CEP128: variants seen among roughly 807,000 people sequenced by gnomAD.
CEP128 encodes the protein centrosomal protein 128kDa.
A neutral mutation model predicts 156.7 loss-of-function variants in CEP128; 132 were observed. That is an observed-to-expected ratio of 0.84 (90% CI 0.73 to 0.97). The LOEUF is 0.97. Ranked by LOEUF, CEP128 falls within the 50% of genes least tolerant of loss-of-function variation. The probability of loss-of-function intolerance (pLI) is 0.00; values close to 1 mark genes in which losing one functional copy is unlikely to be tolerated. For missense variants in CEP128, 1,252 were observed against 1,281.9 expected (o/e 0.98, Z 0.36); for synonymous variants, 469 against 448.9 (o/e 1.04, Z -0.57).
intron 19 of CEP128, among the ~76,000 whole-genome samples, chr14:80,595,687 C>T (rs11629279): frequency 0.62 from 94,539 of 151,978 alleles, 30,799 homozygotes; most frequent in African/African-American, 0.83. Flanking sequence ...GGAAGGAAGG[C>T]ATATTAGTCT....
chr14:80,582,406 T>A (rs1272323698), intron 19 of CEP128, among the ~76,000 whole-genome samples: 1 of 152,112 alleles, frequency 6.6e-6, no homozygotes, highest in Non-Finnish European at 1.5e-5. Context: ...GAAAAGAGGA[T>A]CCCAAATCTG....
chr14:80,668,220 T>C (rs995996499), intron 19 of CEP128, among the ~76,000 whole-genome samples: 5 of 152,166 alleles, frequency 3.3e-5, no homozygotes, highest in South Asian at 2.1e-4. Flanking sequence ...ACAGCTGCTA[T>C]GTGAAGAGCT....
chr14:80,508,306 C>T (rs200224204), intron 23 of CEP128, among the ~76,000 whole-genome samples: 3 of 152,072 alleles, frequency 2.0e-5, no homozygotes, highest in African/African-American at 7.2e-5. Context: ...AATTTAAAAA[C>T]TATGGAAAAA....
At chr14:80,928,859 C>T (rs190879782) in intron 2 of CEP128, among the ~76,000 whole-genome samples, 19 of 152,076 alleles carry the variant, frequency 1.2e-4, no homozygotes, top group Admixed American at 1.2e-3. Context: ...AATGCAAATG[C>T]AACAAAAACA....
intron 13 of CEP128, among the ~76,000 whole-genome samples, chr14:80,814,520 T>C (rs749089216): frequency 3.9e-5 from 6 of 151,952 alleles, no homozygotes; most frequent in Non-Finnish European, 7.4e-5. Context: ...GAAAAAATAA[T>C]GTATTGTATC....
chr14:80,855,585 G>T (rs529359759), intron 9 of CEP128, among the ~76,000 whole-genome samples: 5 of 152,210 alleles, frequency 3.3e-5, no homozygotes, highest in African/African-American at 9.6e-5. Flanking sequence ...AAGGGGCATT[G>T]GTTATGGAAA....
intron 19 of CEP128, among the ~76,000 whole-genome samples, chr14:80,643,541 C>T (rs1389179231): frequency 6.6e-6 from 1 of 152,006 alleles, no homozygotes; most frequent in African/African-American, 2.4e-5. Context: ...ACAGGGTCAT[C>T]TCTGCTAAAA....
At chr14:80,642,370 G>T (rs1009483536) in intron 19 of CEP128, among the ~76,000 whole-genome samples, 1 of 152,208 alleles carries the variant, frequency 6.6e-6, no homozygotes, top group Non-Finnish European at 1.5e-5. Flanking sequence ...AGATAAAGGA[G>T]AGATATCAGT....
intron 9 of CEP128, among the ~76,000 whole-genome samples, chr14:80,857,150 C>T (rs1887221928): frequency 6.7e-6 from 1 of 149,840 alleles, no homozygotes; most frequent in South Asian, 2.1e-4. Flanking sequence ...GGATGCAAAC[C>T]AGAAGTTTAA....
intron 9 of CEP128, among the ~76,000 whole-genome samples, chr14:80,856,823 C>T (rs1379268455): frequency 6.8e-6 from 1 of 147,038 alleles, no homozygotes; most frequent in Non-Finnish European, 1.5e-5. Context: ...CTCTGCCTCC[C>T]GAGTTAAAGC....
intron 9 of CEP128, among the ~76,000 whole-genome samples, chr14:80,859,138 G>A (rs1299858336): frequency 2.0e-5 from 3 of 149,990 alleles, no homozygotes; most frequent in Admixed American, 1.3e-4. Flanking sequence ...CAAAGACTTG[G>A]AACCAACCCA....
intron 19 of CEP128, among the ~76,000 whole-genome samples, chr14:80,717,989 GTGTGTA>G (rs201148721): frequency 8.2e-4 from 125 of 151,980 alleles, no homozygotes; most frequent in African/African-American, 5.6e-4. Flanking sequence ...TAACTTGTGT[GTGTGTA>G]TGTGTATGTG....
chr14:80,729,994 C>A (rs1236553345), intron 19 of CEP128, among the ~76,000 whole-genome samples: 1 of 152,150 alleles, frequency 6.6e-6, no homozygotes, highest in African/African-American at 2.4e-5. Context: ...CAACAGAGGC[C>A]TCACTGATGT....
At chr14:80,886,202 C>G (rs1888790405) in intron 8 of CEP128, among the ~76,000 whole-genome samples, 1 of 152,132 alleles carries the variant, frequency 6.6e-6, no homozygotes, top group Non-Finnish European at 1.5e-5. Flanking sequence ...TTGGGAAACA[C>G]TCTTCAGGAT....
intron 19 of CEP128, among the ~76,000 whole-genome samples, chr14:80,597,964 A>AAC (rs1222370554): frequency 6.7e-6 from 1 of 149,850 alleles, no homozygotes; most frequent in South Asian, 2.1e-4. Flanking sequence ...AAAAAAAAAA[A>AAC]AAAAAACAAA....
At chr14:80,560,837 A>G (rs747271549) in intron 20 of CEP128, among the ~76,000 whole-genome samples, 5 of 152,134 alleles carry the variant, frequency 3.3e-5, no homozygotes, top group Non-Finnish European at 7.4e-5. Context: ...CAGCTTGCAG[A>G]CAGCCTATTG....
chr14:80,864,023 T>A (rs1887646855), intron 8 of CEP128, among the ~76,000 whole-genome samples: 1 of 152,236 alleles, frequency 6.6e-6, no homozygotes, highest in Admixed American at 6.5e-5. Flanking sequence ...ACTGCTGAGA[T>A]AGCAAGACCA....
intron 16 of CEP128, among the ~76,000 whole-genome samples, chr14:80,769,958 G>A (rs930521205): frequency 4.6e-5 from 7 of 152,190 alleles, no homozygotes; most frequent in Middle Eastern, 3.4e-3. Flanking sequence ...CTATTCCATC[G>A]GCTTTTTTCA....
chr14:80,953,780 G>GC (rs1281195427), intron 2 of CEP128, among the ~76,000 whole-genome samples: 5 of 152,134 alleles, frequency 3.3e-5, no homozygotes, highest in Non-Finnish European at 5.9e-5. Context: ...TTTGTAGTCA[G>GC]CCCTACCCTA....
Sources: gnomAD v4.1 joint callset for allele counts (sites outside exome capture counted in the v4.1 genomes callset) on GRCh38, gnomAD v4.1.1 for gene constraint, MANE v1.5 for transcripts, NCBI Gene and HGNC (gene_info 2026-07-23, HGNC 2026-07-21) for gene names.